The following ASTN2 variants were observed in gnomAD, a reference collection of about 807,000 sequenced individuals.
The protein encoded by ASTN2 is astrotactin-2.
ASTN2 carries 54 observed loss-of-function variants against 139.8 expected under a neutral mutation model. The observed-to-expected ratio is 0.39, with a 90% CI of 0.31 to 0.48. The LOEUF is 0.48. ASTN2 is among the 20% of genes least tolerant of loss of function. The pLI is 0.95. For missense variants in ASTN2, 1,565 were observed against 1,725.1 expected, an observed-to-expected ratio of 0.91 and a Z score of 1.64; for synonymous variants, 756 against 719.5, an observed-to-expected ratio of 1.05 and a Z score of -0.81.
At chr9:116,767,831 G>A (rs1829850138) in intron 13 of ASTN2, among the ~76,000 whole-genome samples, 1 of 152,252 alleles carries the variant, frequency 6.6e-6, no homozygotes, top group African/African-American at 2.4e-5. Flanking sequence ...ATCTCCAGAA[G>A]GAAGGAAAAC....
At chr9:116,437,621 T>C (rs192587163) in intron 22 of ASTN2, 6 of 469,774 alleles carry the variant, frequency 1.3e-5, no homozygotes, top group African/African-American at 1.0e-4. Flanking sequence ...AGTGGAGCTG[T>C]GGTTTAGCTT....
intron 1 of ASTN2, among the ~76,000 whole-genome samples, chr9:117,409,149 A>C (rs1260016539): frequency 6.6e-6 from 1 of 152,168 alleles, no homozygotes; most frequent in African/African-American, 2.4e-5. Context: ...CAAGAAATCA[A>C]ATTTTCTTGC....
intron 13 of ASTN2, among the ~76,000 whole-genome samples, chr9:116,790,957 AAGAAAGAAG>A (rs536995703): frequency 1.8e-3 from 246 of 135,106 alleles, no homozygotes; most frequent in African/African-American, 4.4e-3. Context: ...AAAGAAAGAA[AAGAAAGAAG>A]GAAAGAAAGA....
chr9:116,838,487 G>A (rs1008696568), intron 11 of ASTN2, among the ~76,000 whole-genome samples: 1 of 151,670 alleles, frequency 6.6e-6, no homozygotes, highest in African/African-American at 2.4e-5. Context: ...GCAATGGCAC[G>A]ATCTCGACTC....
intron 19 of ASTN2, chr9:116,543,687 A>C (rs1851972006): frequency 1.3e-5 from 2 of 152,174 alleles, no homozygotes; most frequent in African/African-American, 4.8e-5. Flanking sequence ...CTCTTTTGAA[A>C]AGTCGTCCTC....
chr9:116,454,909 G>A (rs1296549260), intron 20 of ASTN2, among the ~76,000 whole-genome samples: 1 of 151,966 alleles, frequency 6.6e-6, no homozygotes, highest in African/African-American at 2.4e-5. Flanking sequence ...GAAGAGGGAG[G>A]GATAGCATTA....
At chr9:116,475,808 T>A (rs1325526681) in intron 20 of ASTN2, among the ~76,000 whole-genome samples, 1 of 152,098 alleles carries the variant, frequency 6.6e-6, no homozygotes, top group Non-Finnish European at 1.5e-5. Flanking sequence ...CCCATACTCC[T>A]CATGGAGCCC....
chr9:117,023,988 A>G (rs1837974568), intron 6 of ASTN2, among the ~76,000 whole-genome samples: 1 of 151,904 alleles, frequency 6.6e-6, no homozygotes, highest in Admixed American at 6.6e-5. Context: ...TGGGGAGGGG[A>G]TGGGACTGGG....
intron 10 of ASTN2, among the ~76,000 whole-genome samples, chr9:116,874,834 C>T (rs1415836412): frequency 3.3e-5 from 5 of 152,134 alleles, no homozygotes; most frequent in Non-Finnish European, 7.3e-5. Context: ...TCTATCAGTG[C>T]CATTTTTCCA....
intron 5 of ASTN2, among the ~76,000 whole-genome samples, chr9:117,064,035 C>A (rs1839378327): frequency 6.6e-6 from 1 of 152,044 alleles, no homozygotes. Context: ...CTGCCCTGAG[C>A]ATGTCAAGGG....
chr9:116,479,944 C>T (rs968161496), intron 20 of ASTN2, among the ~76,000 whole-genome samples: 4 of 152,100 alleles, frequency 2.6e-5, no homozygotes, highest in African/African-American at 9.7e-5. Context: ...AGCTTTGTGG[C>T]GGTAGTCAAG....
At chr9:117,393,386 G>A (rs1197341178) in intron 1 of ASTN2, among the ~76,000 whole-genome samples, 2 of 152,074 alleles carry the variant, frequency 1.3e-5, no homozygotes, top group African/African-American at 4.8e-5. Flanking sequence ...ACACACAGAT[G>A]TAGAGAAAGA....
intron 5 of ASTN2, among the ~76,000 whole-genome samples, chr9:117,051,241 G>A (rs1322217045): frequency 6.6e-6 from 1 of 152,016 alleles, no homozygotes; most frequent in Admixed American, 6.6e-5. Context: ...AAAAAATGAT[G>A]ATGATAACCC....
chr9:117,220,651 G>A (rs1832482877), intron 2 of ASTN2, among the ~76,000 whole-genome samples: 1 of 152,158 alleles, frequency 6.6e-6, no homozygotes. Context: ...GCAACCATGA[G>A]AAACTGGTAG....
At chr9:116,537,356 T>C (rs1235063304) in intron 19 of ASTN2, among the ~76,000 whole-genome samples, 2 of 152,226 alleles carry the variant, frequency 1.3e-5, no homozygotes, top group Non-Finnish European at 2.9e-5. Flanking sequence ...ATAATGGTGG[T>C]ACAAACAGAA....
At chr9:116,686,602 A>C in intron 16 of ASTN2, 2 of 1,256,582 alleles carry the variant, frequency 1.6e-6, no homozygotes, top group Non-Finnish European at 2.3e-6. Flanking sequence ...AGTGCCCCAG[A>C]TTCCCTCAAA....
intron 3 of ASTN2, among the ~76,000 whole-genome samples, chr9:117,153,935 A>T (rs565400795): frequency 6.6e-6 from 1 of 152,234 alleles, no homozygotes; most frequent in East Asian, 1.9e-4. Flanking sequence ...TTGTGACAAG[A>T]GTATATTACT....
chr9:117,328,821 C>T (rs959292881), intron 1 of ASTN2, among the ~76,000 whole-genome samples: 5 of 152,170 alleles, frequency 3.3e-5, no homozygotes, highest in African/African-American at 1.2e-4. Flanking sequence ...AGCAACAGGT[C>T]GCTGTGAGAA....
chr9:116,679,961 G>T (rs1859743788), intron 16 of ASTN2, among the ~76,000 whole-genome samples: 1 of 152,182 alleles, frequency 6.6e-6, no homozygotes, highest in South Asian at 2.1e-4. Flanking sequence ...ACAATTAAAA[G>T]AACTAAAAAA....
Sources: gnomAD v4.1 joint callset for allele counts (sites outside exome capture counted in the v4.1 genomes callset) on GRCh38, gnomAD v4.1.1 for gene constraint, MANE v1.5 for transcripts, NCBI Gene and HGNC (gene_info 2026-07-23, HGNC 2026-07-21) for gene names.